Variants in ACSBG1 observed in about 807,000 individuals in gnomAD.
ACSBG1 encodes acyl-CoA synthetase bubblegum family member 1.
ACSBG1 carries 39 observed loss-of-function variants against 80.2 expected under a neutral mutation model. That is an observed-to-expected ratio of 0.49 (90% CI 0.38 to 0.64). The LOEUF is 0.64. Ranked by LOEUF, ACSBG1 falls within the 30% of genes least tolerant of loss-of-function variation. ACSBG1 has a pLI of 0.00. For missense variants in ACSBG1, 828 were observed against 966.4 expected (o/e 0.86, Z 1.90); for synonymous variants, 392 against 379.5 (o/e 1.03, Z -0.38).
intron 11 of ACSBG1, among the ~76,000 whole-genome samples, chr15:78,175,666 C>G (rs2074875369): frequency 6.6e-6 from 1 of 152,178 alleles, no homozygotes; most frequent in Non-Finnish European, 1.5e-5. Flanking sequence ...TGTGTGCAGG[C>G]AGCTGGGAAT....
At chr15:78,225,125 C>T (rs1275889342) in intron 1 of ACSBG1, among the ~76,000 whole-genome samples, 2 of 152,150 alleles carry the variant, frequency 1.3e-5, no homozygotes, top group Non-Finnish European at 2.9e-5. Context: ...TTTAGCTAGG[C>T]ACAGTGGCTC....
chr15:78,208,587 T>C (rs996999399), intron 1 of ACSBG1, among the ~76,000 whole-genome samples: 2 of 152,216 alleles, frequency 1.3e-5, no homozygotes, highest in East Asian at 1.9e-4. Flanking sequence ...CAGGTACTCA[T>C]AGGGCTCTCA....
intron 1 of ACSBG1, among the ~76,000 whole-genome samples, chr15:78,210,577 C>T (rs924970770): frequency 6.6e-6 from 1 of 152,128 alleles, no homozygotes; most frequent in African/African-American, 2.4e-5. Flanking sequence ...CGTTGTTGTT[C>T]GTAATGGTCG....
chr15:78,202,618 T>A (rs963501134), intron 2 of ACSBG1, among the ~76,000 whole-genome samples: 5 of 152,198 alleles, frequency 3.3e-5, no homozygotes, highest in Non-Finnish European at 5.9e-5. Flanking sequence ...CTCCCTAGGT[T>A]TCTCCTAAAA....
intron 8 of ACSBG1, among the ~76,000 whole-genome samples, chr15:78,181,649 A>G (rs567832703): frequency 1.3e-5 from 2 of 149,892 alleles, no homozygotes; most frequent in South Asian, 2.1e-4. Flanking sequence ...ACCTGCCACC[A>G]CTCCCATCTA....
chr15:78,207,917 T>TCCCCCCCCCCCCCCCCCCCCCCC, intron 2 of ACSBG1, 85 bp downstream of exon 2: 1 of 876,064 alleles, frequency 1.1e-6, no homozygotes, highest in Non-Finnish European at 1.8e-6. Context: ...TGTGTGGTGG[T>TCCCCCCCCCCCCCCCCCCCCCCC]CCCCCACACC....
intron 9 of ACSBG1, 70 bp from the exon 10 acceptor site, chr15:78,179,850 C>CACACAT (rs1452972538): frequency 2.6e-6 from 3 of 1,174,554 alleles, no homozygotes; most frequent in Non-Finnish European, 3.7e-6. Context: ...CACATACACA[C>CACACAT]ATTAAAAGGG....
intron 1 of ACSBG1, among the ~76,000 whole-genome samples, chr15:78,221,767 T>C (rs1385122595): frequency 6.6e-6 from 1 of 152,138 alleles, no homozygotes; most frequent in East Asian, 1.9e-4. Context: ...TGTCCCTGGT[T>C]AATAGAGAAT....
Position 78,169,652 on chromosome 15 carries a change from T to C in ACSBG1, c.*1792A>G, listed in dbSNP as rs1228694574. On this transcript the variant is annotated 3_prime_UTR_variant, in exon 14 of 14. Coordinates refer to ENST00000258873, the MANE Select transcript of ACSBG1 (RefSeq NM_015162.5). Reference sequence around the variant, plus strand: ...ATTTTTGTTAATAAGACAAAGGTAATATATTGGATACAAAGACACAAATGT... The same window carrying C: ...ATTTTTGTTAATAAGACAAAGGTAACATATTGGATACAAAGACACAAATGT... 6.6e-6 allele frequency: 1 copy of C among 152,236 alleles called. No individual in the cohort carries two copies. The highest frequency in any genetic ancestry group is 1.5e-5 in the Non-Finnish European group (1 of 68,042). 9.4% of individuals were successfully genotyped at this position (152,236 alleles called of 1,614,324 possible).
intron 2 of ACSBG1, among the ~76,000 whole-genome samples, chr15:78,204,797 G>GT (rs754747370): frequency 3.3e-5 from 5 of 152,226 alleles, no homozygotes; most frequent in Non-Finnish European, 7.3e-5. Flanking sequence ...GACAAGCATT[G>GT]TATCAGGCCT....
At position 78,178,747 on chromosome 15, in the gene ACSBG1, G is replaced by A; in HGVS notation, c.1569C>T (p.Arg523=). The A allele has an allele frequency of 6.2e-7, 1 of 1,614,148 alleles. No homozygotes were observed. Among genetic ancestry groups the A allele is most frequent in the Non-Finnish European group, 8.5e-7 (1 of 1,180,044 alleles). The change falls in exon 11 of 14, where the codon CGC becomes CGT. Residue 523 remains arginine (R), a synonymous_variant. Coordinates refer to ENST00000258873, the MANE Select transcript of ACSBG1 (RefSeq NM_015162.5). This position sits in a 1 kb window ranked among gnomAD's most constrained non-coding sequence, Gnocchi z 4.3. ...EGIGEICLWG[R]TIFMGYLNME... ...TGTTCAGGTAGCCCATGAATATGGTGCGGCCCCACAGGCAGATCTCGCCAA... is the reference window on the plus strand; with the variant it reads ...TGTTCAGGTAGCCCATGAATATGGTACGGCCCCACAGGCAGATCTCGCCAA...
chr15:78,218,340 TGCTCTGCAGTGG>T (rs1366599938), intron 1 of ACSBG1, among the ~76,000 whole-genome samples: 1 of 152,120 alleles, frequency 6.6e-6, no homozygotes, highest in Non-Finnish European at 1.5e-5. Context: ...GGGGGCATTG[TGCTCTGCAGTGG>T]GCTGGTTCTG....
intron 2 of ACSBG1, 85 bp downstream of exon 2, chr15:78,207,917 T>TCCCCCCCACCCCCCCCCCCACCCACAC: frequency 1.1e-6 from 1 of 876,066 alleles, no homozygotes; most frequent in Non-Finnish European, 1.8e-6. Flanking sequence ...TGTGTGGTGG[T>TCCCCCCCACCCCCCCCCCCACCCACAC]CCCCCACACC....
chr15:78,176,760 AC>A, intron 11 of ACSBG1, among the ~76,000 whole-genome samples: 1 of 152,198 alleles, frequency 6.6e-6, no homozygotes, highest in East Asian at 1.9e-4. Flanking sequence ...CCCTGTCTCT[AC>A]AAAAATAAAA....
intron 5 of ACSBG1, among the ~76,000 whole-genome samples, chr15:78,186,217 A>G (rs1240769354): frequency 6.6e-6 from 1 of 152,092 alleles, no homozygotes; most frequent in East Asian, 1.9e-4. Context: ...AGACTCCCAC[A>G]CAATAATAAT....
chr15:78,206,964 T>C (rs2075221453), intron 2 of ACSBG1, among the ~76,000 whole-genome samples: 1 of 152,144 alleles, frequency 6.6e-6, no homozygotes, highest in Non-Finnish European at 1.5e-5. Context: ...GGTTTTGCTG[T>C]GGCCCAGGCC....
At position 78,171,548 on chromosome 15, in the gene ACSBG1, G is replaced by T. The variant is rs11638547; in HGVS notation, c.2090-19C>A. On this transcript the variant is annotated intron_variant, in intron 13 of 13. Transcript: ENST00000258873. Reference sequence around the variant, plus strand: ...GTGGGACCTAAAAGGGAAATGAGAAGAAATGAGTGAGGCCCAGGCTCTGAG... The same window carrying T: ...GTGGGACCTAAAAGGGAAATGAGAATAAATGAGTGAGGCCCAGGCTCTGAG... The T allele has an allele frequency of 0.37, 599,439 of 1,605,588 alleles. 117,164 individuals carry two copies. Among genetic ancestry groups the T allele is most frequent in the Non-Finnish European group, 0.41 (478,006 of 1,172,480 alleles).
intron 1 of ACSBG1, among the ~76,000 whole-genome samples, chr15:78,218,957 G>A (rs937274263): frequency 3.3e-5 from 5 of 151,774 alleles, no homozygotes; most frequent in East Asian, 3.9e-4. Flanking sequence ...GATCACAGGC[G>A]CCCACCACCA....
chr15:78,204,759 C>G (rs949287267), intron 2 of ACSBG1, among the ~76,000 whole-genome samples: 1 of 152,242 alleles, frequency 6.6e-6, no homozygotes, highest in African/African-American at 2.4e-5. Flanking sequence ...CCTCCTGCTA[C>G]CCGGCCTCAA....
Sources: allele counts gnomAD v4.1 joint callset (sites outside exome capture counted in the v4.1 genomes callset), GRCh38; gene constraint gnomAD v4.1.1; non-coding constraint Gnocchi (gnomAD v3.1); transcripts MANE v1.5; gene names NCBI Gene and HGNC (gene_info 2026-07-23, HGNC 2026-07-21).